The following MOGAT1 variants were observed in gnomAD, a reference collection of about 807,000 sequenced individuals.
MOGAT1 encodes 2-acylglycerol O-acyltransferase 1.
Under a neutral mutation model 31.4 loss-of-function variants are expected in MOGAT1, and 32 were observed. That is an observed-to-expected ratio of 1.02 (90% confidence interval 0.77 to 1.37). MOGAT1 has a LOEUF of 1.37. MOGAT1 is among the 40% of genes most tolerant of loss of function. The pLI is 0.00. For missense variants in MOGAT1, 426 were observed against 402.0 expected (o/e 1.06, Z -0.51); for synonymous variants, 145 against 144.5 (o/e 1.00, Z -0.03).
At chr2:222,695,869 G>T (rs906726051) in intron 5 of MOGAT1, among the ~76,000 whole-genome samples, 2 of 151,992 alleles carry the variant, frequency 1.3e-5, no homozygotes, top group Non-Finnish European at 2.9e-5. Flanking sequence ...CATCACTGGA[G>T]CAGTGTATAC....
intron 5 of MOGAT1, among the ~76,000 whole-genome samples, 188 bp from the exon 6 acceptor site, chr2:222,709,547 AG>A (rs1206089961): frequency 6.6e-6 from 1 of 152,210 alleles, no homozygotes; most frequent in African/African-American, 2.4e-5. Context: ...TGAGGAGGAA[AG>A]TTCTTTATTT....
At chr2:222,688,276 T>C (rs1429399440) in intron 1 of MOGAT1, 68 bp from the exon 2 acceptor site, 1 of 1,287,394 alleles carries the variant, frequency 7.8e-7, no homozygotes, top group African/African-American at 1.5e-5. Flanking sequence ...TTAATCCCCC[T>C]GCCATGGGCC....
chr2:222,707,253 GAGAA>G (rs1302888646), intron 5 of MOGAT1, among the ~76,000 whole-genome samples: 3 of 148,332 alleles, frequency 2.0e-5, no homozygotes, highest in Admixed American at 6.9e-5. Flanking sequence ...GGGAAAGAAA[GAGAA>G]AGAAAGAGAG....
At chr2:222,701,725 C>G (rs1692933245) in intron 5 of MOGAT1, among the ~76,000 whole-genome samples, 1 of 151,978 alleles carries the variant, frequency 6.6e-6, no homozygotes, top group South Asian at 2.1e-4. Context: ...TTCTTTCCAT[C>G]CATAGGCGTG....
At chr2:222,702,500 GAAAT>G (rs1420375949) in intron 5 of MOGAT1, among the ~76,000 whole-genome samples, 1 of 152,040 alleles carries the variant, frequency 6.6e-6, no homozygotes, top group Non-Finnish European at 1.5e-5. Flanking sequence ...CACAAAAATA[GAAAT>G]AATAATGCAC....
At position 222,709,734 on chromosome 2, in the gene MOGAT1, A is replaced by T; in HGVS notation, c.854-2A>T. 6.2e-7 allele frequency: 1 copy of T among 1,611,904 alleles called. No homozygotes were observed. Among genetic ancestry groups the T allele is most frequent in the Non-Finnish European group, 8.5e-7 (1 of 1,179,194 alleles). On this transcript the variant is annotated splice_acceptor_variant, in intron 5 of 5. Transcript: ENST00000446656. LOFTEE classifies it high-confidence loss of function. ...ACGTATGATGTATTCCCTGATTTGC[A>T]GTTGGCCGCCCGATCCCTGTTCGTC...
chr2:222,671,919 A>G (rs2106028555), intron 1 of MOGAT1, 40 bp downstream of exon 1: 3 of 1,470,182 alleles, frequency 2.0e-6, no homozygotes, highest in East Asian at 4.9e-5. Context: ...CTTGGGCTCC[A>G]TATCCTCCCT....
At position 222,688,408 on chromosome 2, in the gene MOGAT1, T is replaced by G. The variant is rs1692708511; in HGVS notation, c.159T>G (p.Pro53=). 6.2e-7 allele frequency: 1 copy of G among 1,613,442 alleles called. No individual in the cohort carries two copies. The highest frequency in any genetic ancestry group is 1.7e-5 in the Admixed American group (1 of 59,946). Residue 53 remains proline, a synonymous_variant, in exon 2 of 6, where the codon CCT becomes CCG. Transcript: ENST00000446656. ...ACAACTATTTGTTCCTTTACATCCC[T>G]TATTTGATGTGGCTTTACTTTGACT... is the stretch of plus-strand genomic sequence containing the variant. The part of the protein sequence containing the change: ...IIHNYLFLYI[P]YLMWLYFDWH...
intron 1 of MOGAT1, among the ~76,000 whole-genome samples, chr2:222,686,260 T>C (rs1225077892): frequency 6.6e-6 from 1 of 152,198 alleles, no homozygotes; most frequent in Admixed American, 6.5e-5. Context: ...CTGCAAATCC[T>C]TTGGACGCTC....
chr2:222,679,405 G>A (rs959821671), intron 1 of MOGAT1, among the ~76,000 whole-genome samples: 2 of 152,048 alleles, frequency 1.3e-5, no homozygotes, highest in African/African-American at 2.4e-5. Context: ...ATGCATTTTA[G>A]GATCAGGTTA....
chr2:222,693,451 T>G (rs947882128), intron 3 of MOGAT1, among the ~76,000 whole-genome samples: 9 of 138,980 alleles, frequency 6.5e-5, no homozygotes, highest in Non-Finnish European at 1.1e-4. Flanking sequence ...ATGTCTTGTT[T>G]TTTTTTTTTT....
At chr2:222,680,902 T>C (rs1188264204) in intron 1 of MOGAT1, among the ~76,000 whole-genome samples, 1 of 152,242 alleles carries the variant, frequency 6.6e-6, no homozygotes, top group Non-Finnish European at 1.5e-5. Flanking sequence ...CACAATGTTT[T>C]GGCTGATGCA....
intron 1 of MOGAT1, among the ~76,000 whole-genome samples, chr2:222,680,426 T>C (rs1167786439): frequency 6.7e-6 from 1 of 149,266 alleles, no homozygotes; most frequent in Non-Finnish European, 1.5e-5. Context: ...GGTATTTCCC[T>C]GTATGTAACA....
intron 5 of MOGAT1, among the ~76,000 whole-genome samples, chr2:222,707,276 A>G (rs1182504815): frequency 2.7e-5 from 4 of 150,322 alleles, no homozygotes; most frequent in African/African-American, 7.4e-5. Context: ...AGAGAGAAAG[A>G]AGGAGGGAAG....
chr2:222,702,815 C>G (rs1169573141), intron 5 of MOGAT1, among the ~76,000 whole-genome samples: 6 of 149,410 alleles, frequency 4.0e-5, no homozygotes, highest in African/African-American at 1.2e-4. Flanking sequence ...CAGAACAAGA[C>G]TTTGTCTCAA....
At chr2:222,692,612 G>A (rs1692779357) in intron 3 of MOGAT1, among the ~76,000 whole-genome samples, 1 of 152,154 alleles carries the variant, frequency 6.6e-6, no homozygotes, top group South Asian at 2.1e-4. Context: ...TGTCAATTGG[G>A]CATTTGGAGA....
chr2:222,681,568 G>T (rs560721689), intron 1 of MOGAT1, among the ~76,000 whole-genome samples: 161 of 152,190 alleles, frequency 1.1e-3, no homozygotes, highest in African/African-American at 3.7e-3. Flanking sequence ...GGACTTTATG[G>T]AGCCTTCCTC....
chr2:222,684,585 C>CT lies in MOGAT1; in HGVS notation c.95-3750dup, dbSNP rs938778454. Among the ~76,000 whole-genome samples, 26 of 151,130 alleles carry CT rather than the reference C, an allele frequency of 1.7e-4. 1 individual carries two copies. Among genetic ancestry groups the CT allele is most frequent in the African/African-American group, 2.7e-4 (11 of 41,216 alleles). On this transcript the variant is annotated intron_variant, in intron 1 of 5. Coordinates refer to ENST00000446656, the MANE Select transcript of MOGAT1 (RefSeq NM_058165.3). ...TGCTTAGCCATCCAGTATCTTACTT[C>CT]TTTTTTTTTGAGACAGAGTCTTGCC...
intron 1 of MOGAT1, among the ~76,000 whole-genome samples, chr2:222,686,009 A>G (rs1222965743): frequency 6.6e-6 from 1 of 152,102 alleles, no homozygotes; most frequent in Non-Finnish European, 1.5e-5. Flanking sequence ...TAGCTTGGGG[A>G]CATTATTTTT....
Sources: gnomAD v4.1 joint callset for allele counts (sites outside exome capture counted in the v4.1 genomes callset) on GRCh38, gnomAD v4.1.1 for gene constraint, MANE v1.5 for transcripts, NCBI Gene and HGNC (gene_info 2026-07-23, HGNC 2026-07-21) for gene names.